SPOCK3: variants seen among roughly 807,000 people sequenced by gnomAD.
The protein encoded by SPOCK3 is SPARC (osteonectin), cwcv and kazal like domains proteoglycan 3.
A neutral mutation model predicts 56.6 loss-of-function variants in SPOCK3; 30 were observed. The observed-to-expected ratio is 0.53, with a 90% CI of 0.40 to 0.72. The LOEUF is 0.72. SPOCK3 is among the 30% of genes least tolerant of loss of function. The pLI, the probability that SPOCK3 is intolerant of heterozygous loss-of-function variation, is 0.00. For synonymous variants in SPOCK3, 196 were observed against 183.3 expected, an observed-to-expected ratio of 1.07 and a Z score of -0.56; for missense variants, 527 against 530.0, an observed-to-expected ratio of 0.99 and a Z score of 0.06.
chr4:166,889,173 A>T lies in SPOCK3; in HGVS notation c.546T>A (p.Cys182Ter). Residue 182 changes from cysteine to a stop codon, truncating the protein, a stop_gained, in exon 6 of 11, where the codon TGT (cysteine) becomes TGA (stop). Coordinates refer to ENST00000357545, the MANE Select transcript of SPOCK3 (RefSeq NM_001040159.2). LOFTEE classifies it high-confidence loss of function. Reference sequence around the variant, plus strand: ...TTGTACTGGTGGGCTTATCTGAAGGACATGGGCAATGTCCTTCACATTTGA... The same window carrying T: ...TTGTACTGGTGGGCTTATCTGAAGGTCATGGGCAATGTCCTTCACATTTGA... ...ISVKCEGHCP[C>*]PSDKPTSTSR... 6.2e-7 allele frequency: 1 copy of T among 1,612,230 alleles called. No homozygotes were observed. The highest frequency in any genetic ancestry group is 2.2e-5 in the East Asian group (1 of 44,706).
chr4:167,125,424 A>T (rs1017478889), intron 2 of SPOCK3, among the ~76,000 whole-genome samples: 6 of 149,360 alleles, frequency 4.0e-5, no homozygotes, highest in African/African-American at 1.5e-4. Flanking sequence ...AAAAAAAAAA[A>T]CACCCCCGGC....
intron 10 of SPOCK3, among the ~76,000 whole-genome samples, chr4:166,735,687 G>GA: frequency 6.6e-6 from 1 of 152,084 alleles, no homozygotes; most frequent in Non-Finnish European, 1.5e-5. Context: ...AAGTTTAGAG[G>GA]AAAGAGTCCA....
At chr4:166,916,139 G>A (rs772917551) in intron 4 of SPOCK3, among the ~76,000 whole-genome samples, 13 of 151,810 alleles carry the variant, frequency 8.6e-5, no homozygotes, top group Non-Finnish European at 1.6e-4. Context: ...CCAGGGAAAC[G>A]AAGCAAATTG....
chr4:167,139,922 G>T, intron 2 of SPOCK3, among the ~76,000 whole-genome samples: 1 of 151,696 alleles, frequency 6.6e-6, no homozygotes, highest in South Asian at 2.1e-4. Flanking sequence ...CAGTCTTCTG[G>T]GAAAAGTTTT....
At chr4:166,858,385 T>C (rs1412240187) in intron 6 of SPOCK3, among the ~76,000 whole-genome samples, 2 of 152,338 alleles carry the variant, frequency 1.3e-5, no homozygotes, top group East Asian at 3.9e-4. Flanking sequence ...ACTCTTCTAT[T>C]AAGCCCATTC....
chr4:166,985,004 G>C (rs995712137), intron 4 of SPOCK3, among the ~76,000 whole-genome samples: 2 of 152,018 alleles, frequency 1.3e-5, no homozygotes, highest in Non-Finnish European at 2.9e-5. Context: ...TTCAGAATAT[G>C]GCCCCAGAAG....
Position 166,811,171 on chromosome 4 carries a change from T to G in SPOCK3, c.590-18882A>C, listed in dbSNP as rs114392422. Among the ~76,000 whole-genome samples, 1,104 of 152,002 alleles carry G rather than the reference T, an allele frequency of 7.3e-3. 15 individuals carry two copies. Among genetic ancestry groups the G allele is most frequent in the African/African-American group, 0.025 (1,057 of 41,544 alleles). Reference sequence around the variant, plus strand: ...ATTGTTTTACCTAACTTTTGTCTTTTGTAATCCTCTGAATTGTATTTTTAT... The same window carrying G: ...ATTGTTTTACCTAACTTTTGTCTTTGGTAATCCTCTGAATTGTATTTTTAT... On this transcript the variant is annotated intron_variant, in intron 6 of 10. Coordinates refer to ENST00000357545, the MANE Select transcript of SPOCK3 (RefSeq NM_001040159.2).
At chr4:167,086,455 A>C (rs909736128) in intron 2 of SPOCK3, among the ~76,000 whole-genome samples, 1 of 152,104 alleles carries the variant, frequency 6.6e-6, no homozygotes, top group Non-Finnish European at 1.5e-5. Context: ...CCTAAGAAGT[A>C]GACTAAAAAG....
At chr4:167,231,810 G>A (rs2111181413) in intron 2 of SPOCK3, among the ~76,000 whole-genome samples, 1 of 152,168 alleles carries the variant, frequency 6.6e-6, no homozygotes, top group Middle Eastern at 3.4e-3. Flanking sequence ...GGTGGTTCAA[G>A]GGTAAAAAAT....
chr4:166,894,570 A>G (rs1735153683), intron 5 of SPOCK3, among the ~76,000 whole-genome samples: 1 of 152,172 alleles, frequency 6.6e-6, no homozygotes, highest in Non-Finnish European at 1.5e-5. Flanking sequence ...GTAAAGAACT[A>G]GTTGAATTTA....
intron 3 of SPOCK3, among the ~76,000 whole-genome samples, chr4:167,035,557 A>G (rs181921128): frequency 6.6e-6 from 1 of 152,102 alleles, no homozygotes; most frequent in East Asian, 1.9e-4. Context: ...ACCATGTTCT[A>G]CCCTTGTTGC....
chr4:167,165,451 G>GA (rs964437259), intron 2 of SPOCK3, among the ~76,000 whole-genome samples: 60 of 152,022 alleles, frequency 3.9e-4, no homozygotes, highest in African/African-American at 1.4e-3. Flanking sequence ...ACAAATATAT[G>GA]AAAAAAAGCT....
At chr4:166,765,737 G>T (rs2126534449) in intron 7 of SPOCK3, among the ~76,000 whole-genome samples, 1 of 152,324 alleles carries the variant, frequency 6.6e-6, no homozygotes. Context: ...GTCATTGGTA[G>T]CTTGATGGGG....
At chr4:166,851,104 C>T (rs981533732) in intron 6 of SPOCK3, among the ~76,000 whole-genome samples, 1 of 152,098 alleles carries the variant, frequency 6.6e-6, no homozygotes, top group Admixed American at 6.5e-5. Flanking sequence ...GTTCTCCCAG[C>T]ACGCAGCTGG....
chr4:167,034,724 AT>A (rs763817069), intron 3 of SPOCK3, among the ~76,000 whole-genome samples: 1 of 152,158 alleles, frequency 6.6e-6, no homozygotes, highest in Non-Finnish European at 1.5e-5. Context: ...AGCTAGAAAA[AT>A]CGTTGGAGGT....
At chr4:167,006,164 CT>C (rs1749452338) in intron 3 of SPOCK3, among the ~76,000 whole-genome samples, 1 of 152,078 alleles carries the variant, frequency 6.6e-6, no homozygotes, top group Admixed American at 6.6e-5. Flanking sequence ...ATGTTAGCAT[CT>C]CAGTTTTAGA....
chr4:166,881,916 A>G (rs964452527), intron 6 of SPOCK3, among the ~76,000 whole-genome samples: 3 of 152,174 alleles, frequency 2.0e-5, no homozygotes, highest in African/African-American at 7.2e-5. Flanking sequence ...TGGAATAGCA[A>G]ACATCTCCTT....
chr4:167,034,619 T>C (rs899129180), intron 3 of SPOCK3, among the ~76,000 whole-genome samples: 1 of 152,160 alleles, frequency 6.6e-6, no homozygotes, highest in African/African-American at 2.4e-5. Context: ...CGTACATATG[T>C]ACTGTCACTA....
rs1255821206 is a variant in SPOCK3 at position 167,063,555 on chromosome 4, G to A, written c.190-1018C>T. On this transcript the variant is annotated intron_variant, in intron 2 of 10. Coordinates refer to ENST00000357545, the MANE Select transcript of SPOCK3 (RefSeq NM_001040159.2). ...CTTTCTCTTTGTATCAATGTAAGGG[G>A]TATAAATGCGGTTTTGCTACATGAA... Among the ~76,000 whole-genome samples, 3 of 151,808 alleles carry A rather than the reference G, an allele frequency of 2.0e-5. No individual in the cohort carries two copies. The South Asian group carries it at 6.2e-4, about 31-fold the overall frequency.
Sources: gnomAD v4.1 joint callset for allele counts (sites outside exome capture counted in the v4.1 genomes callset) on GRCh38, gnomAD v4.1.1 for gene constraint, MANE v1.5 for transcripts, NCBI Gene and HGNC (gene_info 2026-07-23, HGNC 2026-07-21) for gene names.